The following AKAP10 variants were observed in gnomAD, a reference collection of about 807,000 sequenced individuals.
AKAP10 encodes the protein A-kinase anchor protein 10, mitochondrial.
In AKAP10, 24 loss-of-function variants were observed where a neutral mutation model predicts 80.8. The ratio of observed to expected loss-of-function variants is 0.30; its 90% confidence interval spans 0.22 to 0.42. The LOEUF (loss-of-function observed/expected upper bound fraction) is 0.42, where lower values mean the gene tolerates loss of function less well. Ranked by LOEUF, AKAP10 falls within the 10% of genes least tolerant of loss-of-function variation. AKAP10 has a pLI of 1.00. For missense variants in AKAP10, 661 were observed against 794.9 expected, an observed-to-expected ratio of 0.83 and a Z score of 2.03; for synonymous variants, 291 against 277.7, an observed-to-expected ratio of 1.05 and a Z score of -0.48.
In AKAP10 at chr17:19,921,527, G is replaced by T. The variant is rs144601883; in HGVS notation, c.1752-1409C>A. Among the ~76,000 whole-genome samples the T allele has an allele frequency of 2.1e-3, 317 of 151,478 alleles. 9 individuals are homozygous for T. The East Asian group carries it at 0.05, about 24-fold the overall frequency. On this transcript the variant is annotated intron_variant, in intron 11 of 14. Transcript: ENST00000225737. ...ATGCAGATACTTTACAAAGTAAATT[G>T]TAAGAGCTATCAAAATTTAAAATGT... is the stretch of plus-strand genomic sequence containing the variant.
At chr17:19,950,604 C>T (rs1480625833) in intron 4 of AKAP10, among the ~76,000 whole-genome samples, 1 of 152,274 alleles carries the variant, frequency 6.6e-6, no homozygotes, top group African/African-American at 2.4e-5. Flanking sequence ...GTCTCGCTCA[C>T]TCAATGCTCA....
intron 7 of AKAP10, 100 bp downstream of exon 7, chr17:19,940,787 A>C: frequency 1.5e-6 from 2 of 1,330,962 alleles, no homozygotes; most frequent in South Asian, 4.0e-5. Flanking sequence ...TTTGGAAATG[A>C]CTTGGCTCTT....
chr17:19,905,925 A>G lies in AKAP10; in HGVS notation c.*302T>C. 1 of 359,880 alleles carries G rather than the reference A, an allele frequency of 2.8e-6. No individual in the cohort carries two copies. Among genetic ancestry groups the G allele is most frequent in the Non-Finnish European group, 5.2e-6 (1 of 193,136 alleles). 22.3% of individuals were successfully genotyped at this position (359,880 alleles called of 1,614,324 possible). ...GGATGTGGTCCCTGTCTATTCCAGT[A>G]GGCTAAAACACTCTCATAAATGGGT... On this transcript the variant is annotated 3_prime_UTR_variant, in exon 15 of 15. Coordinates refer to ENST00000225737, the MANE Select transcript of AKAP10 (RefSeq NM_007202.4).
intron 4 of AKAP10, among the ~76,000 whole-genome samples, chr17:19,953,750 T>C (rs1324484888): frequency 6.6e-6 from 1 of 151,948 alleles, no homozygotes; most frequent in African/African-American, 2.4e-5. Flanking sequence ...CCTAGGCCCC[T>C]GCCAGGCACG....
chr17:19,970,082 C>G (rs1455283874), intron 1 of AKAP10, among the ~76,000 whole-genome samples: 1 of 152,190 alleles, frequency 6.6e-6, no homozygotes, highest in Non-Finnish European at 1.5e-5. Flanking sequence ...AATCTTTTAT[C>G]TCAAATTCAT....
At chr17:19,929,962 G>C (rs1019826297) in intron 10 of AKAP10, among the ~76,000 whole-genome samples, 1 of 137,350 alleles carries the variant, frequency 7.3e-6, no homozygotes, top group Admixed American at 8.1e-5. Flanking sequence ...GGGCGACAGA[G>C]CAAGATGCTG....
chr17:19,976,806 C>A (rs2043574002), intron 1 of AKAP10, among the ~76,000 whole-genome samples: 1 of 152,144 alleles, frequency 6.6e-6, no homozygotes, highest in Non-Finnish European at 1.5e-5. Context: ...CGTGAGCCAC[C>A]GCGCCCGGCC....
At chr17:19,959,323 A>G (rs971814423) in intron 3 of AKAP10, among the ~76,000 whole-genome samples, 1 of 152,230 alleles carries the variant, frequency 6.6e-6, no homozygotes, top group Non-Finnish European at 1.5e-5. Context: ...TTAAGCAGTA[A>G]CAAGGGCACA....
In AKAP10 at chr17:19,939,793, G is replaced by A; in HGVS notation, c.1242C>T (p.Asn414=). ...NILQFWLAAD[N]FQSQLAAKKG... ...TTTTGGCAGCAAGCTGAGACTGGAAGTTATCTGCTGCCAACCAGAATTGTA... is the reference window on the plus strand; with the variant it reads ...TTTTGGCAGCAAGCTGAGACTGGAAATTATCTGCTGCCAACCAGAATTGTA... Residue 414 remains asparagine, a synonymous_variant, in exon 8 of 15, where the codon AAC becomes AAT. Coordinates refer to ENST00000225737, the MANE Select transcript of AKAP10 (RefSeq NM_007202.4). The A allele has an allele frequency of 6.2e-7, 1 of 1,614,004 alleles. No homozygotes were observed. The highest frequency in any genetic ancestry group is 8.5e-7 in the Non-Finnish European group (1 of 1,179,992).
At position 19,948,584 on chromosome 17, in the gene AKAP10, C is replaced by T. The variant is rs527579734; in HGVS notation, c.878-1079G>A. ...GTCGTGGCCACAGAGGTTGACATAG[C>T]TACAGGAAGTGTGCTGAAGTATAGG... On this transcript the variant is annotated intron_variant, in intron 4 of 14. Transcript: ENST00000225737. Among the ~76,000 whole-genome samples, 10 of 152,158 alleles carry T rather than the reference C, an allele frequency of 6.6e-5. No homozygotes were observed. The East Asian group carries it at 1.9e-3, about 29-fold the overall frequency.
rs1222293927 is a variant in AKAP10, at chr17:19,951,323, G to A, written c.878-3818C>T. 1.4e-4 allele frequency among the ~76,000 whole-genome samples: 22 copies of A among 151,852 alleles called. 1 individual carries two copies. The highest frequency in any genetic ancestry group is 1.0e-4 in the Non-Finnish European group (7 of 67,902). Reference sequence around the variant, plus strand: ...CACTGCCCCGTCTGGGAGGTGGGGGGCGCCTCTGCCCGGCTGCCCCATCTG... The same window carrying A: ...CACTGCCCCGTCTGGGAGGTGGGGGACGCCTCTGCCCGGCTGCCCCATCTG... On this transcript the variant is annotated intron_variant, in intron 4 of 14. Transcript: ENST00000225737.
At chr17:19,936,457 A>C (rs1262518768) in intron 8 of AKAP10, 27 bp from the exon 9 acceptor site, 4 of 1,583,134 alleles carry the variant, frequency 2.5e-6, no homozygotes, top group Non-Finnish European at 3.4e-6. Flanking sequence ...TCCGAAGTAA[A>C]ATCAAATTCC....
At chr17:19,953,617 T>G (rs2043239688) in intron 4 of AKAP10, among the ~76,000 whole-genome samples, 1 of 152,086 alleles carries the variant, frequency 6.6e-6, no homozygotes, top group Non-Finnish European at 1.5e-5. Flanking sequence ...TTCAATACAA[T>G]TAATTACTCA....
intron 5 of AKAP10, among the ~76,000 whole-genome samples, chr17:19,946,222 TTATATATATATATATTATATATATATATA>T (rs1597510017): frequency 1.5e-4 from 5 of 33,956 alleles, no homozygotes; most frequent in Non-Finnish European, 1.1e-4. Context: ...TATATATATT[TTATATATATATATATTATATATATATATA>T]TATATATATA....
At chr17:19,911,160 TAC>T (rs2042685529) in intron 12 of AKAP10, among the ~76,000 whole-genome samples, 1 of 152,216 alleles carries the variant, frequency 6.6e-6, no homozygotes, top group African/African-American at 2.4e-5. Flanking sequence ...AACCAGAGTC[TAC>T]AGAGTCACAG....
intron 4 of AKAP10, among the ~76,000 whole-genome samples, chr17:19,957,483 C>T (rs1010162492): frequency 7.9e-5 from 12 of 151,672 alleles, no homozygotes; most frequent in African/African-American, 2.7e-4. Context: ...TGCAGTGAGC[C>T]GAGACCGCGC....
At position 19,910,557 on chromosome 17, in the gene AKAP10, C is replaced by T. The variant is rs112234224; in HGVS notation, c.1835-579G>A. On this transcript the variant is annotated intron_variant, in intron 12 of 14. Coordinates refer to ENST00000225737, the MANE Select transcript of AKAP10 (RefSeq NM_007202.4). ...CAGAGTTCTGGACTTTTCTTCTACT[C>T]TCCTCACTTGATGAAAGAACTAACA... Among the ~76,000 whole-genome samples the T allele has an allele frequency of 2.9e-3, 442 of 152,294 alleles. 1 individual carries two copies. Among genetic ancestry groups the T allele is most frequent in the African/African-American group, 9.4e-3 (392 of 41,558 alleles).
chr17:19,921,516 CA>C (rs2042816119), intron 11 of AKAP10, among the ~76,000 whole-genome samples: 2 of 150,938 alleles, frequency 1.3e-5, no homozygotes, highest in Non-Finnish European at 3.0e-5. Context: ...AGATACTTTA[CA>C]AAGTAAATTG....
chr17:19,975,960 G>GT (rs1264633715), intron 1 of AKAP10, among the ~76,000 whole-genome samples: 2 of 152,068 alleles, frequency 1.3e-5, no homozygotes, highest in African/African-American at 4.8e-5. Flanking sequence ...TATTTTACCG[G>GT]TTTCATTCAT....
Sources: allele counts gnomAD v4.1 joint callset (sites outside exome capture counted in the v4.1 genomes callset), GRCh38; gene constraint gnomAD v4.1.1; transcripts MANE v1.5; gene names NCBI Gene and HGNC (gene_info 2026-07-23, HGNC 2026-07-21).